LIAS: variants seen among roughly 807,000 people sequenced by gnomAD.
LIAS encodes the protein lipoic acid synthetase.
Under a neutral mutation model 49.4 loss-of-function variants are expected in LIAS, and 36 were observed. The ratio of observed to expected loss-of-function variants is 0.73; its 90% confidence interval spans 0.56 to 0.96. The LOEUF (loss-of-function observed/expected upper bound fraction) is 0.96. Ranked by LOEUF, LIAS falls within the 40% of genes least tolerant of loss-of-function variation. The pLI is 0.00. For synonymous variants in LIAS, 145 were observed against 155.8 expected (o/e 0.93, Z 0.52); for missense variants, 399 against 456.3 (o/e 0.87, Z 1.14).
intron 10 of LIAS, 28 bp downstream of exon 10, chr4:39,473,239 A>T (rs766152443): frequency 7.3e-7 from 1 of 1,363,044 alleles, no homozygotes; most frequent in Admixed American, 1.7e-5. Context: ...GCATGGTTTC[A>T]TTTAGGCCGT....
chr4:39,463,740 G>GA (rs1246063592), intron 4 of LIAS, 135 bp downstream of exon 4: 4 of 1,345,906 alleles, frequency 3.0e-6, no homozygotes, highest in Non-Finnish European at 2.9e-6. Flanking sequence ...AAAATATTAA[G>GA]AAAAAACCTG....
Position 39,477,961 on chromosome 4 carries a change from C to G in LIAS, c.*846C>G, listed in dbSNP as rs776395010. ...CTCTCCAGCCTGGGCGCTACAACTG[C>G]TCTCCAGACTCTGTCTTGAAAAAAA... is the stretch of plus-strand genomic sequence containing the variant. On this transcript the variant is annotated 3_prime_UTR_variant, in exon 11 of 11. Transcript: ENST00000640888. The G allele has an allele frequency of 6.6e-6, 1 of 151,628 alleles. No homozygotes were observed. The highest frequency in any genetic ancestry group is 1.9e-4 in the East Asian group (1 of 5,142). 9.4% of individuals were successfully genotyped at this position (151,628 alleles called of 1,614,324 possible).
chr4:39,469,368 A>G (rs1033079893), intron 7 of LIAS: 4 of 152,214 alleles, frequency 2.6e-5, no homozygotes, highest in African/African-American at 9.6e-5. Context: ...TAGAATTGAA[A>G]TGAAATCCAG....
intron 9 of LIAS, among the ~76,000 whole-genome samples, chr4:39,471,613 A>C (rs1227204662): frequency 7.9e-6 from 1 of 126,428 alleles, no homozygotes; most frequent in Non-Finnish European, 1.6e-5. Context: ...TGCAACCTCC[A>C]CCTCCCAGGT....
chr4:39,459,828 C>T (rs1187106935), intron 1 of LIAS, among the ~76,000 whole-genome samples: 2 of 152,226 alleles, frequency 1.3e-5, no homozygotes, highest in Admixed American at 6.5e-5. Context: ...AGCGTGGTGG[C>T]GTGCGCCTGT....
chr4:39,476,436 C>T lies in LIAS; in HGVS notation c.1067-627C>T, dbSNP rs28694051. On this transcript the variant is annotated intron_variant, in intron 10 of 10. Transcript: ENST00000640888. ...TCATAAAATCAGGCCTCTAGTGCTG[C>T]ACTCTACCAATAAGCATTGAGTCAT... 7.2e-3 allele frequency: 1,097 copies of T among 152,430 alleles called. 13 individuals carry two copies. Among genetic ancestry groups the T allele is most frequent in the African/African-American group, 0.025 (1,031 of 41,558 alleles). 9.4% of individuals were successfully genotyped at this position (152,430 alleles called of 1,614,324 possible).
chr4:39,478,839 G>A lies in LIAS; in HGVS notation c.*1724G>A, dbSNP rs1745296972. Reference sequence around the variant, plus strand: ...ATATCTAAAAGGACACTTTTAGGTGGCCATGTTGTAAAATATGTAAAGTGG... The same window carrying A: ...ATATCTAAAAGGACACTTTTAGGTGACCATGTTGTAAAATATGTAAAGTGG... On this transcript the variant is annotated 3_prime_UTR_variant, in exon 11 of 11. Transcript: ENST00000640888. 1 of 152,168 alleles carries A rather than the reference G, an allele frequency of 6.6e-6. No homozygotes were observed. Among genetic ancestry groups the A allele is most frequent in the Admixed American group, 6.5e-5 (1 of 15,272 alleles). 9.4% of individuals were successfully genotyped at this position (152,168 alleles called of 1,614,324 possible).
chr4:39,462,869 C>T (rs976401516), intron 3 of LIAS, among the ~76,000 whole-genome samples: 3 of 152,156 alleles, frequency 2.0e-5, no homozygotes, highest in Non-Finnish European at 2.9e-5. Flanking sequence ...AGCCTGTAGT[C>T]CCAGCTACTT....
chr4:39,471,383 G>A, intron 9 of LIAS, 77 bp downstream of exon 9: 1 of 1,082,626 alleles, frequency 9.2e-7, no homozygotes, highest in Non-Finnish European at 1.4e-6. Context: ...GCCTGAGCTG[G>A]AGTGTAGTGG....
chr4:39,460,867 T>G lies in LIAS; in HGVS notation c.123T>G (p.Asn41Lys), dbSNP rs373034096. The change falls in exon 2 of 11, where the codon AAT (asparagine) becomes AAG (lysine). Residue 41 changes from asparagine (N) to lysine (K), a missense_variant. By Grantham distance (94) the Asn-to-Lys change is moderately conservative. Transcript: ENST00000640888. ...LPDKKKELLQ[N>K]GPDLQDFVSG... ...ATAAAAAAAAGGAACTCCTACAGAA[T>G]GGACCAGACCTTCAAGATTTTGTAT... is the stretch of plus-strand genomic sequence containing the variant. 1.2e-6 allele frequency: 2 copies of G among 1,613,140 alleles called. No individual in the cohort carries two copies. The highest frequency in any genetic ancestry group is 1.3e-5 in the African/African-American group (1 of 74,910).
chr4:39,469,063 T>G (rs889196625), intron 7 of LIAS: 4 of 152,164 alleles, frequency 2.6e-5, no homozygotes, highest in Non-Finnish European at 5.9e-5. Flanking sequence ...CATTTTAAGC[T>G]TCGGGCAAGA....
At position 39,460,533 on chromosome 4, in the gene LIAS, C is replaced by CAAAA. The variant is rs3836577; in HGVS notation, c.46-241_46-238dup. ...TGGGCAACAGAGCAAGACTCCGTCT[C>CAAAA]AAAAAAAAAAAAAAAAAAACAGATT... On this transcript the variant is annotated intron_variant, in intron 1 of 10. Transcript: ENST00000640888. Among the ~76,000 whole-genome samples the CAAAA allele has an allele frequency of 2.9e-3, 280 of 98,190 alleles. 4 individuals are homozygous for CAAAA. The highest frequency in any genetic ancestry group is 4.4e-3 in the Non-Finnish European group (225 of 51,446). 64.4% of individuals were successfully genotyped at this position (98,190 alleles called of 152,430 possible). A position where few individuals can be genotyped will look rare whatever the true frequency, so the allele number is the denominator to read the frequency against.
chr4:39,465,668 AT>A (rs33977702), intron 6 of LIAS, among the ~76,000 whole-genome samples: 39,501 of 146,128 alleles, frequency 0.27, 5,449 homozygotes, highest in African/African-American at 0.38. Context: ...CTTAGTAATG[AT>A]TTTTTTTTTT....
rs574940281 is a variant in LIAS at position 39,476,702 on chromosome 4, C to T, written c.1067-361C>T. The T allele has an allele frequency of 9.0e-4, 155 of 171,734 alleles. 1 individual carries two copies. Among genetic ancestry groups the T allele is most frequent in the African/African-American group, 3.7e-3 (154 of 41,898 alleles). 10.6% of individuals were successfully genotyped at this position (171,734 alleles called of 1,614,324 possible). On this transcript the variant is annotated intron_variant, in intron 10 of 10. Transcript: ENST00000640888. The stretch of plus-strand genomic sequence containing the variant: ...CCAGCCTAATAATGTAGCAAAATTG[C>T]TCTTGGAAATGAATTTTGCCAAGAG...
At position 39,465,140 on chromosome 4, in the gene LIAS, C is replaced by T. The variant is rs1485721291; in HGVS notation, c.488C>T (p.Thr163Ile). Residue 163 changes from threonine to isoleucine, a missense_variant, in exon 5 of 11, where the codon ACT becomes ATT. Around this residue, in one of 3 missense-constraint regions of LIAS, gnomAD observed 234 missense variants for 292.2 expected, o/e 0.80. Coordinates refer to ENST00000640888, the MANE Select transcript of LIAS (RefSeq NM_006859.4). ...PPLDASEPYN[T>I]AKAIAEWGLD... Reference sequence around the variant, plus strand: ...CTGGATGCCAGTGAGCCCTACAATACTGCAAAGGCAATTGCAGAATGGGGT... The same window carrying T: ...CTGGATGCCAGTGAGCCCTACAATATTGCAAAGGCAATTGCAGAATGGGGT... The T allele has an allele frequency of 5.0e-6, 8 of 1,614,110 alleles. No individual in the cohort carries two copies. The highest frequency in any genetic ancestry group is 6.8e-6 in the Non-Finnish European group (8 of 1,180,042).
rs753026297 is a variant in LIAS at position 39,460,967 on chromosome 4, T to C, written c.218+5T>C. ...AAAACGCCAGAAAGGAGAAAGGTAA[T>C]TGAAAATTTGAGATAATTTTAACGT... is the stretch of plus-strand genomic sequence containing the variant. On this transcript the variant is annotated splice_donor_5th_base_variant and intron_variant, in intron 2 of 10. Transcript: ENST00000640888. The C allele has an allele frequency of 4.4e-6, 7 of 1,581,990 alleles. No individual in the cohort carries two copies. Among genetic ancestry groups the C allele is most frequent in the Non-Finnish European group, 6.0e-6 (7 of 1,165,208 alleles).
At chr4:39,469,111 G>A (rs1220406229) in intron 7 of LIAS, 5 of 152,140 alleles carry the variant, frequency 3.3e-5, no homozygotes, top group African/African-American at 1.2e-4. Flanking sequence ...GCATTTAGCA[G>A]TGATTTTATT....
intron 7 of LIAS, chr4:39,468,502 A>AAAAAATATATATAT (rs140159831): frequency 1.5e-3 from 185 of 125,070 alleles, no homozygotes; most frequent in African/African-American, 5.2e-3. Flanking sequence ...GGAAAAAAAA[A>AAAAAATATATATAT]ATATATATAT....
At chr4:39,467,417 C>A in intron 6 of LIAS, 101 bp from the exon 7 acceptor site, 2 of 1,095,028 alleles carry the variant, frequency 1.8e-6, no homozygotes, top group Non-Finnish European at 2.5e-6. Context: ...CTAAAGGTTA[C>A]TGTGTTGAAG....
Sources: gnomAD v4.1 joint callset for allele counts (sites outside exome capture counted in the v4.1 genomes callset) on GRCh38, gnomAD v4.1.1 for gene constraint, gnomAD v4.1.1 regional missense constraint, MANE v1.5 for transcripts, NCBI Gene and HGNC (gene_info 2026-07-23, HGNC 2026-07-21) for gene names.